The following KBTBD2 variants were observed in gnomAD, a reference collection of about 807,000 sequenced individuals.
The protein encoded by KBTBD2 is kelch repeat and BTB domain containing 2, also known as kelch repeat and BTB domain-containing protein 2.
KBTBD2 carries 17 observed loss-of-function variants against 57.1 expected under a neutral mutation model. The observed-to-expected ratio is 0.30, with a 90% CI of 0.20 to 0.45. The LOEUF (loss-of-function observed/expected upper bound fraction) is 0.45. Ranked by LOEUF, KBTBD2 falls within the 20% of genes least tolerant of loss-of-function variation. The pLI is 1.00. For synonymous variants in KBTBD2, 267 were observed against 262.7 expected, an observed-to-expected ratio of 1.02 and a Z score of -0.16; for missense variants, 515 against 750.6, an observed-to-expected ratio of 0.69 and a Z score of 3.67.
In KBTBD2 at chr7:32,870,141, G is replaced by A. The variant is rs753672597; in HGVS notation, c.1076C>T (p.Thr359Ile). 2 of 1,614,196 alleles carry A rather than the reference G, an allele frequency of 1.2e-6. No individual in the cohort carries two copies. Among genetic ancestry groups the A allele is most frequent in the South Asian group, 1.1e-5 (1 of 91,086 alleles). The change falls in exon 4 of 4, where the codon ACC becomes ATC. Residue 359 changes from threonine (T) to isoleucine (I), a missense_variant. Physicochemically the swap from Thr to Ile is moderately conservative, Grantham distance 89. Transcript: ENST00000304056. ...AAGCATTGGGGTCTTTGGAAACCAG[G>A]TATTTTGCTGTGCATCAAACCAATA... The part of the protein sequence containing the change: ...CFYWFDAQQN[T>I]WFPKTPMLFV...
At chr7:32,876,938 CAA>C (rs1784327225) in intron 2 of KBTBD2, among the ~76,000 whole-genome samples, 1 of 152,134 alleles carries the variant, frequency 6.6e-6, no homozygotes, top group Non-Finnish European at 1.5e-5. Flanking sequence ...ACCCGGGCAA[CAA>C]AAGTGAAACT....
chr7:32,886,099 G>A (rs748687964), intron 1 of KBTBD2, among the ~76,000 whole-genome samples: 1 of 151,854 alleles, frequency 6.6e-6, no homozygotes, highest in Non-Finnish European at 1.5e-5. Flanking sequence ...TAGTAGAGAT[G>A]GGGTTTCACC....
At chr7:32,881,243 T>C (rs977919308) in intron 1 of KBTBD2, among the ~76,000 whole-genome samples, 3 of 151,548 alleles carry the variant, frequency 2.0e-5, no homozygotes, top group Non-Finnish European at 4.4e-5. Context: ...TCATACTGCA[T>C]ACCATTCATC....
Position 32,870,082 on chromosome 7 carries a change from C to T in KBTBD2, c.1135G>A (p.Glu379Lys), listed in dbSNP as rs780390052. 1.2e-6 allele frequency: 2 copies of T among 1,614,168 alleles called. No individual in the cohort carries two copies. Among genetic ancestry groups the T allele is most frequent in the East Asian group, 2.2e-5 (1 of 44,880 alleles). The change falls in exon 4 of 4, where the codon GAA (glutamate) becomes AAA (lysine). Residue 379 changes from glutamate (E) to lysine (K), a missense_variant. Glu to Lys is a moderately conservative substitution (Grantham distance 56). Transcript: ENST00000304056. ...CCTCCAATTGCATAGATATAGCCTT[C>T]ACAGCAAACCAAAGATGGCTTTATG... ...VRIKPSLVCC[E>K]GYIYAIGGDS... is the part of the protein sequence containing the mutation.
rs1784747531 is a variant in KBTBD2 at position 32,891,629 on chromosome 7, C to T, written c.-432G>A. ...GGCGCGGCGGCGGGGGCGTGGCCCT[C>T]CCGCCGCGGCCTCGCCTGGGGTCTC... is the stretch of plus-strand genomic sequence containing the variant. On this transcript the variant is annotated 5_prime_UTR_variant, in exon 1 of 4. Transcript: ENST00000304056. 1 of 149,926 alleles carries T rather than the reference C, an allele frequency of 6.7e-6. No homozygotes were observed. The highest frequency in any genetic ancestry group is 1.5e-5 in the Non-Finnish European group (1 of 67,286). 9.3% of individuals were successfully genotyped at this position (149,926 alleles called of 1,614,324 possible).
At chr7:32,877,344 T>C (rs190682048) in intron 2 of KBTBD2, among the ~76,000 whole-genome samples, 62 of 152,308 alleles carry the variant, frequency 4.1e-4, no homozygotes, top group African/African-American at 1.4e-3. Context: ...AATTTCATAA[T>C]ATTGTAACAG....
intron 1 of KBTBD2, among the ~76,000 whole-genome samples, chr7:32,889,424 A>C (rs564880984): frequency 6.6e-6 from 1 of 151,922 alleles, no homozygotes; most frequent in Non-Finnish European, 1.5e-5. Context: ...AACATGGTGA[A>C]CCCTCATCTC....
rs1166843470 is a variant in KBTBD2, at chr7:32,868,607, A to G, written c.*738T>C. 6.6e-6 allele frequency: 1 copy of G among 152,624 alleles called. No individual in the cohort carries two copies. Among genetic ancestry groups the G allele is most frequent in the African/African-American group, 2.4e-5 (1 of 41,458 alleles). The allele number at this position is 152,624 out of a possible 1,614,324, so 9.5% of individuals were successfully genotyped here. ...AATGTTAACATAATACAGAAAGTGGAGGCTTTTTCTGATTAAAGCTCCACG... is the reference window on the plus strand; with the variant it reads ...AATGTTAACATAATACAGAAAGTGGGGGCTTTTTCTGATTAAAGCTCCACG... On this transcript the variant is annotated 3_prime_UTR_variant, in exon 4 of 4. Coordinates refer to ENST00000304056, the MANE Select transcript of KBTBD2 (RefSeq NM_015483.3).
intron 1 of KBTBD2, among the ~76,000 whole-genome samples, chr7:32,885,374 T>A (rs149714338): frequency 2.8e-4 from 43 of 151,650 alleles, no homozygotes; most frequent in African/African-American, 9.0e-4. Context: ...TATTCTAACA[T>A]CTTTTACCTA....
At position 32,870,321 on chromosome 7, in the gene KBTBD2, CATAA is replaced by C. The variant is rs1784144076; in HGVS notation, c.892_895del (p.Leu298ValfsTer14). 1 of 1,613,844 alleles carries C rather than the reference CATAA, an allele frequency of 6.2e-7. No individual in the cohort carries two copies. The highest frequency in any genetic ancestry group is 8.5e-7 in the Non-Finnish European group (1 of 1,179,982). On this transcript the variant is annotated frameshift_variant, in exon 4 of 4. Transcript: ENST00000304056. LOFTEE classifies it high-confidence loss of function. Reference sequence around the variant, plus strand: ...CTTATGCAAATCAGCTGGTGGGCTACATAACTTGTAAACTTTTTCTGCTTGGGGG... The same window carrying C: ...CTTATGCAAATCAGCTGGTGGGCTACCTTGTAAACTTTTTCTGCTTGGGGG...
At position 32,870,572 on chromosome 7, in the gene KBTBD2, A is replaced by G; in HGVS notation, c.645T>C (p.Ser215=). 6.2e-7 allele frequency: 1 copy of G among 1,614,224 alleles called. No individual in the cohort carries two copies. The highest frequency in any genetic ancestry group is 8.5e-7 in the Non-Finnish European group (1 of 1,180,038). ...CATCAATTCTGATTTGGCTAAGAACAGAAGACAAATACTGGGATCGTGATT... is the reference window on the plus strand; with the variant it reads ...CATCAATTCTGATTTGGCTAAGAACGGAAGACAAATACTGGGATCGTGATT... ...NTESRSQYLS[S]VLSQIRIDAL... The change falls in exon 4 of 4, where the codon TCT becomes TCC. Residue 215 remains serine (S), a synonymous_variant. Transcript: ENST00000304056.
Position 32,868,687 on chromosome 7 carries a change from T to C in KBTBD2, c.*658A>G, listed in dbSNP as rs1347960653. ...CTTACTGCAAGCCTAGCAACTTAAG[T>C]CCACACCTGGTAAATGACCAGCTGA... On this transcript the variant is annotated 3_prime_UTR_variant, in exon 4 of 4. Transcript: ENST00000304056. The C allele has an allele frequency of 6.6e-6, 1 of 152,556 alleles. No individual in the cohort carries two copies. The highest frequency in any genetic ancestry group is 1.5e-5 in the Non-Finnish European group (1 of 68,026). The allele number at this position is 152,556 out of a possible 1,614,324, so 9.5% of individuals were successfully genotyped here. A position where few individuals can be genotyped will look rare whatever the true frequency, so the allele number is the denominator to read the frequency against.
rs756407944 is a variant in KBTBD2 at position 32,870,741 on chromosome 7, T to C, written c.476A>G (p.Lys159Arg). The C allele has an allele frequency of 6.2e-7, 1 of 1,614,234 alleles. No homozygotes were observed. The highest frequency in any genetic ancestry group is 8.5e-7 in the Non-Finnish European group (1 of 1,180,038). The part of the protein sequence containing the change: ...KQSAKRMVEH[K>R]FTAVYHQDAF... Reference sequence around the variant, plus strand: ...GTCCTGATGATACACAGCAGTGAACTTGTGCTCCACCATTCTTTTAGCACT... The same window carrying C: ...GTCCTGATGATACACAGCAGTGAACCTGTGCTCCACCATTCTTTTAGCACT... The change falls in exon 4 of 4, where the codon AAG becomes AGG. Residue 159 changes from lysine (K) to arginine (R), a missense_variant. Coordinates refer to ENST00000304056, the MANE Select transcript of KBTBD2 (RefSeq NM_015483.3).
At chr7:32,890,576 T>C (rs773522268) in intron 1 of KBTBD2, among the ~76,000 whole-genome samples, 3 of 152,210 alleles carry the variant, frequency 2.0e-5, no homozygotes, top group South Asian at 2.1e-4. Flanking sequence ...ACAGCGTTGA[T>C]AGGGTTTCGT....
chr7:32,869,982 A>G lies in KBTBD2; in HGVS notation c.1235T>C (p.Val412Ala). 1 of 1,614,168 alleles carries G rather than the reference A, an allele frequency of 6.2e-7. No homozygotes were observed. Among genetic ancestry groups the G allele is most frequent in the Non-Finnish European group, 8.5e-7 (1 of 1,180,026 alleles). The part of the protein sequence containing the change: ...YDTEKDEWTM[V>A]SPLPCAWQWS... ...TTGCCAAGCACAAGGTAAAGGGCTT[A>G]CCATCGTCCACTCATCTTTCTCAGT... The change falls in exon 4 of 4, where the codon GTA becomes GCA. Residue 412 changes from valine (V) to alanine (A), a missense_variant. Coordinates refer to ENST00000304056, the MANE Select transcript of KBTBD2 (RefSeq NM_015483.3).
chr7:32,869,605 T>C lies in KBTBD2; in HGVS notation c.1612A>G (p.Met538Val), dbSNP rs1036310616. 2 of 1,614,174 alleles carry C rather than the reference T, an allele frequency of 1.2e-6. No homozygotes were observed. Among genetic ancestry groups the C allele is most frequent in the South Asian group, 1.1e-5 (1 of 91,080 alleles). Residue 538 changes from methionine (M) to valine (V), a missense_variant, in exon 4 of 4, where the codon ATG becomes GTG. Met to Val is a conservative substitution (Grantham distance 21). Transcript: ENST00000304056. ...CGCTCATTTAAGTGGGTTTCTCGCA[T>C]AAACACACATAGAGAATTTGAGATC... ...VVISNSLCVF[M>V]RETHLNERAK...
chr7:32,890,465 AC>A, intron 1 of KBTBD2, among the ~76,000 whole-genome samples: 1 of 152,334 alleles, frequency 6.6e-6, no homozygotes, highest in African/African-American at 2.4e-5. Context: ...TAAGACCCAT[AC>A]TACTCAAATT....
intron 2 of KBTBD2, 31 bp from the exon 3 acceptor site, chr7:32,875,188 A>G: frequency 6.2e-7 from 1 of 1,601,102 alleles, no homozygotes; most frequent in African/African-American, 1.3e-5. Context: ...ACAAAGTTGT[A>G]AGGGTTTTGT....
At position 32,879,502 on chromosome 7, in the gene KBTBD2, A is replaced by T. The variant is rs561968532; in HGVS notation, c.103T>A (p.Leu35Ile). 9 of 1,613,200 alleles carry T rather than the reference A, an allele frequency of 5.6e-6. No individual in the cohort carries two copies. Among genetic ancestry groups the T allele is most frequent in the Non-Finnish European group, 7.6e-6 (9 of 1,179,366 alleles). The change falls in exon 2 of 4, where the codon TTA becomes ATA. Residue 35 changes from leucine to isoleucine, a missense_variant. Coordinates refer to ENST00000304056, the MANE Select transcript of KBTBD2 (RefSeq NM_015483.3). Reference sequence around the variant, plus strand: ...GGGAATTCAGTGCCCTCAACAATTAACACTATGTCAGTAAACAACTGCTGT... The same window carrying T: ...GGGAATTCAGTGCCCTCAACAATTATCACTATGTCAGTAAACAACTGCTGT... ...YEQQLFTDIV[L>I]IVEGTEFPCH...
Sources: gnomAD v4.1 joint callset for allele counts (sites outside exome capture counted in the v4.1 genomes callset) on GRCh38, gnomAD v4.1.1 for gene constraint, MANE v1.5 for transcripts, NCBI Gene and HGNC (gene_info 2026-07-23, HGNC 2026-07-21) for gene names.